Variants in VWA3B observed in about 807,000 individuals in gnomAD.
VWA3B encodes the protein von Willebrand factor A domain containing 3B, also known as von Willebrand factor A domain-containing protein 3B.
A neutral mutation model predicts 158.3 loss-of-function variants in VWA3B; 138 were observed. That is an observed-to-expected ratio of 0.87 (90% CI 0.76 to 1.00). The LOEUF is 1.00. VWA3B is among the 50% of genes least tolerant of loss of function. The pLI is 0.00. For synonymous variants in VWA3B, 596 were observed against 587.3 expected, an observed-to-expected ratio of 1.01 and a Z score of -0.21; for missense variants, 1,555 against 1,565.1, an observed-to-expected ratio of 0.99 and a Z score of 0.11.
chr2:98,095,239 T>C (rs767810929), intron 2 of VWA3B, among the ~76,000 whole-genome samples: 1 of 152,214 alleles, frequency 6.6e-6, no homozygotes, highest in Admixed American at 6.5e-5. Context: ...TTAACAGTAT[T>C]CATCTTTCCA....
chr2:98,258,025 CTT>C lies in VWA3B; in HGVS notation c.2843+1855_2843+1856del, dbSNP rs572341295. Among the ~76,000 whole-genome samples, 845 of 151,892 alleles carry C rather than the reference CTT, an allele frequency of 5.6e-3. 12 individuals are homozygous for C. Among genetic ancestry groups the C allele is most frequent in the African/African-American group, 0.019 (807 of 41,472 alleles). On this transcript the variant is annotated intron_variant, in intron 21 of 27. Coordinates refer to ENST00000477737, the MANE Select transcript of VWA3B (RefSeq NM_144992.5). Reference sequence around the variant, plus strand: ...GGACTTTTGATCCATTTTTGAGGGACTTTTTGTATCTGGTGTGAAGTAGGGTT... The same window carrying C: ...GGACTTTTGATCCATTTTTGAGGGACTTTGTATCTGGTGTGAAGTAGGGTT...
intron 13 of VWA3B, among the ~76,000 whole-genome samples, chr2:98,214,971 C>T (rs577433988): frequency 1.3e-5 from 2 of 152,276 alleles, no homozygotes; most frequent in East Asian, 3.9e-4. Context: ...TTCCCGCAAG[C>T]AGGGTATTGA....
intron 21 of VWA3B, among the ~76,000 whole-genome samples, chr2:98,264,214 T>A (rs1301431677): frequency 6.6e-6 from 1 of 152,026 alleles, no homozygotes; most frequent in African/African-American, 2.4e-5. Context: ...TTTTTTTCTA[T>A]TGTTTTTCTA....
chr2:98,260,805 C>T (rs1268926206), intron 21 of VWA3B, among the ~76,000 whole-genome samples: 1 of 151,764 alleles, frequency 6.6e-6, no homozygotes, highest in Non-Finnish European at 1.5e-5. Flanking sequence ...TCTCTTGTAA[C>T]AATTTATAAC....
chr2:98,282,316 A>T (rs1688925850), intron 22 of VWA3B, among the ~76,000 whole-genome samples: 1 of 152,084 alleles, frequency 6.6e-6, no homozygotes, highest in Admixed American at 6.5e-5. Flanking sequence ...ATGAATCATC[A>T]TGTAGGCCAT....
chr2:98,087,919 T>C (rs1681978215), intron 1 of VWA3B, among the ~76,000 whole-genome samples: 1 of 152,226 alleles, frequency 6.6e-6, no homozygotes, highest in Non-Finnish European at 1.5e-5. Context: ...CTGTTTCTTC[T>C]CAGCAATGAC....
chr2:98,152,756 C>G (rs539375297), intron 7 of VWA3B, among the ~76,000 whole-genome samples: 95 of 152,266 alleles, frequency 6.2e-4, no homozygotes, highest in African/African-American at 2.2e-3. Flanking sequence ...AGCAGTGGAA[C>G]GAACAGTGGA....
At chr2:98,317,746 TG>T (rs201997225), downstream of VWA3B, among the ~76,000 whole-genome samples, 2 of 152,290 alleles carry the variant, frequency 1.3e-5, no homozygotes, top group East Asian at 3.9e-4. Flanking sequence ...CTCCCTAAAA[TG>T]TATAAAATCA....
chr2:98,318,022 TATC>T (rs1199979931), downstream of VWA3B, among the ~76,000 whole-genome samples: 2 of 152,196 alleles, frequency 1.3e-5, no homozygotes, highest in South Asian at 2.1e-4. Flanking sequence ...ACCAATGAGA[TATC>T]ATCTCACACC....
chr2:98,253,014 A>G (rs1241422199), intron 20 of VWA3B, among the ~76,000 whole-genome samples: 1 of 152,162 alleles, frequency 6.6e-6, no homozygotes, highest in African/African-American at 2.4e-5. Flanking sequence ...GGTATCACTA[A>G]TTTGATGTTT....
intron 14 of VWA3B, among the ~76,000 whole-genome samples, chr2:98,220,352 T>A (rs1684395712): frequency 6.6e-6 from 1 of 151,988 alleles, no homozygotes; most frequent in African/African-American, 2.4e-5. Context: ...TAGGTAAATA[T>A]GTAAAAAAAA....
intron 13 of VWA3B, chr2:98,216,925 T>G (rs1275063348): frequency 7.7e-7 from 1 of 1,302,344 alleles, no homozygotes; most frequent in Non-Finnish European, 1.0e-6. Flanking sequence ...TTTCCTTCAT[T>G]CCATACAGCT....
At chr2:98,196,228 A>G (rs1682027200) in intron 12 of VWA3B, among the ~76,000 whole-genome samples, 1 of 152,130 alleles carries the variant, frequency 6.6e-6, no homozygotes, top group African/African-American at 2.4e-5. Flanking sequence ...AGTTAATAAC[A>G]ATGTATTGTA....
At chr2:98,110,017 G>A (rs1674017605) in intron 2 of VWA3B, among the ~76,000 whole-genome samples, 1 of 150,918 alleles carries the variant, frequency 6.6e-6, no homozygotes, top group Non-Finnish European at 1.5e-5. Flanking sequence ...TCTTGAATCT[G>A]TTGCTTTATG....
At position 98,162,918 on chromosome 2, in the gene VWA3B, C is replaced by G. The variant is rs1678742569; in HGVS notation, c.1056C>G (p.Ala352=). 2 of 1,614,022 alleles carry G rather than the reference C, an allele frequency of 1.2e-6. No individual in the cohort carries two copies. Among genetic ancestry groups the G allele is most frequent in the African/African-American group, 2.7e-5 (2 of 75,026 alleles). The part of the protein sequence containing the change: ...QEMEEACSTL[A]QIQRLVAEPP... Reference sequence around the variant, plus strand: ...TGGAGGAAGCCTGCAGCACGCTGGCCCAGATCCAGAGGCTGGTGGCCGAGC... The same window carrying G: ...TGGAGGAAGCCTGCAGCACGCTGGCGCAGATCCAGAGGCTGGTGGCCGAGC... Residue 352 remains alanine, a synonymous_variant, in exon 8 of 28, where the codon GCC becomes GCG. Coordinates refer to ENST00000477737, the MANE Select transcript of VWA3B (RefSeq NM_144992.5).
chr2:98,157,964 A>G (rs1470968846), intron 7 of VWA3B, among the ~76,000 whole-genome samples: 1 of 152,134 alleles, frequency 6.6e-6, no homozygotes, highest in Non-Finnish European at 1.5e-5. Flanking sequence ...AGTACTTCAG[A>G]TACTTGGGGG....
At chr2:98,123,489 A>T (rs1034988438) in intron 5 of VWA3B, among the ~76,000 whole-genome samples, 1 of 152,222 alleles carries the variant, frequency 6.6e-6, no homozygotes, top group Non-Finnish European at 1.5e-5. Context: ...ACCGCGGGCC[A>T]GGAAGACTGA....
chr2:98,199,984 T>C (rs1014322037), intron 12 of VWA3B, among the ~76,000 whole-genome samples: 1 of 152,168 alleles, frequency 6.6e-6, no homozygotes, highest in African/African-American at 2.4e-5. Context: ...TATATGAGAG[T>C]TACCATTACT....
intron 9 of VWA3B, among the ~76,000 whole-genome samples, chr2:98,187,664 CTGTGTGTGTG>C (rs3066239): frequency 2.3e-4 from 33 of 141,794 alleles, no homozygotes; most frequent in East Asian, 1.5e-3. Flanking sequence ...GTCTCTGTGT[CTGTGTGTGTG>C]TGTGTGTGTG....
Sources: allele counts gnomAD v4.1 joint callset (sites outside exome capture counted in the v4.1 genomes callset), GRCh38; gene constraint gnomAD v4.1.1; transcripts MANE v1.5; gene names NCBI Gene and HGNC (gene_info 2026-07-23, HGNC 2026-07-21).